The following CDH17 variants were observed in gnomAD, a reference collection of about 807,000 sequenced individuals.
CDH17 encodes the protein cadherin 17.
A neutral mutation model predicts 86.3 loss-of-function variants in CDH17; 67 were observed. That is an observed-to-expected ratio of 0.78 (90% CI 0.64 to 0.95). CDH17 has a LOEUF of 0.95. Among genes scored for constraint, CDH17 ranks in the 40% least tolerant of loss-of-function variants. The probability of loss-of-function intolerance (pLI) is 0.00; values close to 1 mark genes in which losing one functional copy is unlikely to be tolerated. For synonymous variants in CDH17, 367 were observed against 366.4 expected (o/e 1.00, Z -0.02); for missense variants, 993 against 1,017.6 (o/e 0.98, Z 0.33).
intron 15 of CDH17, among the ~76,000 whole-genome samples, chr8:94,139,898 A>T (rs1400546466): frequency 1.6e-4 from 19 of 116,776 alleles, no homozygotes; most frequent in South Asian, 1.5e-3. Flanking sequence ...AAAATAAAAA[A>T]TAAATAAAAA....
rs780192740 is a variant in CDH17 at position 94,173,857 on chromosome 8, T to G, written c.723A>C (p.Ala241=). 3.7e-6 allele frequency: 6 copies of G among 1,613,870 alleles called. No homozygotes were observed. In the Admixed American group the frequency reaches 5.0e-5, roughly 13 times the overall value. ...TTTCCACCATCTCCACAGGTTTTGG[T>G]GCTTTCCAAATATTCTCTGTCACTA... ...DIIVTENIWK[A]PKPVEMVENS... Residue 241 remains alanine, a synonymous_variant, in exon 7 of 18, where the codon GCA becomes GCC. Transcript: ENST00000027335.
intron 2 of CDH17, 107 bp downstream of exon 2, chr8:94,194,528 G>C (rs1053278206): frequency 4.0e-6 from 3 of 757,518 alleles, no homozygotes; most frequent in Non-Finnish European, 6.8e-6. Flanking sequence ...ATTTTGATAG[G>C]TCATCTTTTT....
At position 94,152,840 on chromosome 8, in the gene CDH17, T is replaced by C. The variant is rs567563293; in HGVS notation, c.1552-728A>G. On this transcript the variant is annotated intron_variant, in intron 12 of 17. Transcript: ENST00000027335. ...ACGAGATAGAGGAAACTCACCCTTT[T>C]ATTTTTAGTAGAGAAGGGGGTTTTG... Among the ~76,000 whole-genome samples the C allele has an allele frequency of 2.8e-4, 42 of 151,286 alleles. No individual in the cohort carries two copies. In the South Asian group the frequency reaches 8.8e-3, roughly 32 times the overall value.
At chr8:94,202,052 G>A (rs201639834) in intron 1 of CDH17, 1 of 166,210 alleles carries the variant, frequency 6.0e-6, no homozygotes, top group East Asian at 1.7e-4. Flanking sequence ...GCACTGCTTT[G>A]TAGTCTTACA....
At chr8:94,133,102 AC>A (rs1812452073) in intron 15 of CDH17, among the ~76,000 whole-genome samples, 1 of 152,264 alleles carries the variant, frequency 6.6e-6, no homozygotes, top group East Asian at 1.9e-4. Flanking sequence ...AGGTAGTGTG[AC>A]ACCTCCAGCA....
At chr8:94,170,063 T>C (rs928589441) in intron 9 of CDH17, among the ~76,000 whole-genome samples, 1 of 152,172 alleles carries the variant, frequency 6.6e-6, no homozygotes, top group African/African-American at 2.4e-5. Flanking sequence ...AAATAACGTA[T>C]GGGGAAATCC....
At chr8:94,193,298 T>C (rs1410760829) in intron 2 of CDH17, among the ~76,000 whole-genome samples, 1 of 152,234 alleles carries the variant, frequency 6.6e-6, no homozygotes. Context: ...GTGCTGAATC[T>C]GCAAAGATGA....
At chr8:94,206,166 G>GAA (rs58752556) in intron 1 of CDH17, among the ~76,000 whole-genome samples, 62,357 of 148,844 alleles carry the variant, frequency 0.42, 14,079 homozygotes, top group Non-Finnish European at 0.54. Context: ...TTGCTTAAGT[G>GAA]AAAAAAAAAA....
intron 1 of CDH17, among the ~76,000 whole-genome samples, chr8:94,213,998 C>T (rs978229504): frequency 6.6e-5 from 10 of 152,112 alleles, no homozygotes; most frequent in Admixed American, 3.9e-4. Flanking sequence ...GCCAACATCT[C>T]GAGTCTCTCT....
rs921031484 is a variant in CDH17 at position 94,194,722 on chromosome 8, T to C, written c.-20-17A>G. On this transcript the variant is annotated splice_polypyrimidine_tract_variant and intron_variant, in intron 1 of 17. Transcript: ENST00000027335. ...TTCAAATTCCTGTGAAGGAACCAGA[T>C]AAAAAAATGGTTAGTTACCAGTCTG... 3 of 1,400,488 alleles carry C rather than the reference T, an allele frequency of 2.1e-6. No homozygotes were observed. Among genetic ancestry groups the C allele is most frequent in the East Asian group, 2.3e-5 (1 of 43,754 alleles). 86.8% of individuals were successfully genotyped at this position (1,400,488 alleles called of 1,614,324 possible).
intron 15 of CDH17, among the ~76,000 whole-genome samples, chr8:94,132,325 C>T (rs1812436804): frequency 6.6e-6 from 1 of 152,196 alleles, no homozygotes. Context: ...TTCTCCACAT[C>T]CTCTCCTGCA....
At chr8:94,128,424 GA>G (rs968001892) in intron 17 of CDH17, 84 bp from the exon 18 acceptor site, 42 of 831,484 alleles carry the variant, frequency 5.1e-5, no homozygotes, top group Non-Finnish European at 6.5e-5. Context: ...ATTGTGGTAG[GA>G]AAAAAATGAC....
chr8:94,212,289 G>C (rs1337617071), upstream of CDH17, among the ~76,000 whole-genome samples: 3 of 152,160 alleles, frequency 2.0e-5, no homozygotes, highest in Non-Finnish European at 4.4e-5. Context: ...CCAAGTAGCT[G>C]GGACTACAGG....
At chr8:94,134,222 A>C (rs181731741) in intron 15 of CDH17, among the ~76,000 whole-genome samples, 2 of 152,346 alleles carry the variant, frequency 1.3e-5, no homozygotes, top group Admixed American at 1.3e-4. Flanking sequence ...ATAGTTTCAG[A>C]AGGAATGATA....
rs142743259 is a variant in CDH17 at position 94,146,080 on chromosome 8, G to C, written c.2015C>G (p.Thr672Arg). 7 of 1,613,394 alleles carry C rather than the reference G, an allele frequency of 4.3e-6. No individual in the cohort carries two copies. Among genetic ancestry groups the C allele is most frequent in the Non-Finnish European group, 5.9e-6 (7 of 1,179,724 alleles). ...DNPPRLAKDYTGLFFCHPLSA... is the reference protein window; with the variant it reads ...DNPPRLAKDYRGLFFCHPLSA... ...GAGGGGATGGCAGAAGAACAAGCCC[G>C]TGTAGTCCTTGGCTAGCCTGGGAGG... The change falls in exon 15 of 18, where the codon ACG becomes AGG. Residue 672 changes from threonine to arginine, a missense_variant. Transcript: ENST00000027335.
At chr8:94,159,321 G>A (rs182398225) in intron 12 of CDH17, among the ~76,000 whole-genome samples, 7 of 152,322 alleles carry the variant, frequency 4.6e-5, no homozygotes, top group African/African-American at 1.2e-4. Context: ...ATGAGAGCCC[G>A]TGGGCTTAGC....
intron 2 of CDH17, among the ~76,000 whole-genome samples, chr8:94,189,554 T>A (rs1432560344): frequency 6.6e-6 from 1 of 152,244 alleles, no homozygotes; most frequent in Non-Finnish European, 1.5e-5. Context: ...CATCCCCATA[T>A]TACAAATGAA....
At chr8:94,148,930 A>C in intron 13 of CDH17, 56 bp from the exon 14 acceptor site, 2 of 1,532,214 alleles carry the variant, frequency 1.3e-6, no homozygotes, top group Non-Finnish European at 1.8e-6. Context: ...TGAAAATGTG[A>C]AGCTAGTTTG....
chr8:94,151,228 T>C (rs1167089102), intron 13 of CDH17, among the ~76,000 whole-genome samples: 3 of 151,756 alleles, frequency 2.0e-5, no homozygotes, highest in African/African-American at 7.3e-5. Flanking sequence ...TACAAACATA[T>C]ATTTCTTAAG....
Sources: gnomAD v4.1 joint callset for allele counts (sites outside exome capture counted in the v4.1 genomes callset) on GRCh38, gnomAD v4.1.1 for gene constraint, MANE v1.5 for transcripts, NCBI Gene and HGNC (gene_info 2026-07-23, HGNC 2026-07-21) for gene names.